Variants in SPAG16 observed in about 807,000 individuals in gnomAD.
SPAG16 encodes the protein sperm-associated antigen 16 protein.
SPAG16 carries 86 observed loss-of-function variants against 80.4 expected under a neutral mutation model. The ratio of observed to expected loss-of-function variants is 1.07; its 90% CI spans 0.90 to 1.28. The LOEUF is 1.28. Ranked by LOEUF, SPAG16 falls within the 50% of genes most tolerant of loss-of-function variation. The pLI, the probability that SPAG16 is intolerant of heterozygous loss-of-function variation, is 0.00. For missense variants in SPAG16, 870 were observed against 765.3 expected, an observed-to-expected ratio of 1.14 and a Z score of -1.61; for synonymous variants, 294 against 265.9, an observed-to-expected ratio of 1.11 and a Z score of -1.03.
chr2:214,311,023 C>T (rs1022147167), intron 15 of SPAG16, among the ~76,000 whole-genome samples: 2 of 152,194 alleles, frequency 1.3e-5, no homozygotes, highest in Non-Finnish European at 2.9e-5. Flanking sequence ...ACGGCAACCT[C>T]CAACAGGAAA....
chr2:213,970,860 A>G (rs905493615), intron 12 of SPAG16, among the ~76,000 whole-genome samples: 1 of 152,242 alleles, frequency 6.6e-6, no homozygotes, highest in Non-Finnish European at 1.5e-5. Context: ...TTACATAATT[A>G]TACCTCTTGC....
chr2:214,315,918 T>C (rs1051708934), intron 15 of SPAG16, among the ~76,000 whole-genome samples: 5 of 152,182 alleles, frequency 3.3e-5, no homozygotes, highest in Non-Finnish European at 7.3e-5. Context: ...GAAATATATG[T>C]TTTAAAGTAG....
chr2:214,255,663 T>C (rs1295739771), intron 15 of SPAG16, among the ~76,000 whole-genome samples: 1 of 151,948 alleles, frequency 6.6e-6, no homozygotes. Context: ...TCACTCAATC[T>C]CCATCTACCT....
rs869276304 is a variant in SPAG16, at chr2:213,869,280, T to TATATATATAC, written c.1214+6652_1214+6653insATATATATAC. Among the ~76,000 whole-genome samples the TATATATATAC allele has an allele frequency of 1.0e-3, 116 of 112,430 alleles. 2 individuals carry two copies. The highest frequency in any genetic ancestry group is 4.7e-3 in the Middle Eastern group (1 of 214). 73.8% of individuals were successfully genotyped at this position (112,430 alleles called of 152,430 possible). ...AAAAAAAAAAATATATATATATATA[T>TATATATATAC]GTATATATATATGTATATATATATA... is the stretch of plus-strand genomic sequence containing the variant. On this transcript the variant is annotated intron_variant, in intron 11 of 15. Transcript: ENST00000331683.
At chr2:213,482,328 T>G (rs1260736860) in intron 9 of SPAG16, among the ~76,000 whole-genome samples, 1 of 152,160 alleles carries the variant, frequency 6.6e-6, no homozygotes, top group Non-Finnish European at 1.5e-5. Context: ...TGGCCACACC[T>G]AGGTACAAGA....
chr2:213,848,604 C>A (rs767514296), intron 10 of SPAG16, among the ~76,000 whole-genome samples: 3 of 152,288 alleles, frequency 2.0e-5, no homozygotes, highest in Admixed American at 1.3e-4. Flanking sequence ...CTGGTTGCCA[C>A]CCCTGAATTC....
chr2:213,397,143 A>G (rs373999747), intron 9 of SPAG16, among the ~76,000 whole-genome samples: 38 of 152,312 alleles, frequency 2.5e-4, no homozygotes, highest in African/African-American at 8.9e-4. Context: ...CTTGATTTGT[A>G]TAGTGTTTTC....
chr2:213,329,305 C>A (rs989516720), intron 5 of SPAG16, among the ~76,000 whole-genome samples: 3 of 152,116 alleles, frequency 2.0e-5, no homozygotes, highest in Non-Finnish European at 4.4e-5. Context: ...GTTTGGACCT[C>A]CCTAGAGACT....
At chr2:214,104,399 G>A (rs1369648068) in intron 13 of SPAG16, among the ~76,000 whole-genome samples, 1 of 152,048 alleles carries the variant, frequency 6.6e-6, no homozygotes, top group Non-Finnish European at 1.5e-5. Flanking sequence ...TCTAGTGGCG[G>A]TGAAGGGGAT....
intron 15 of SPAG16, among the ~76,000 whole-genome samples, chr2:214,310,844 A>G (rs1231955488): frequency 6.6e-6 from 1 of 152,112 alleles, no homozygotes; most frequent in African/African-American, 2.4e-5. Context: ...TCTTCCCCCA[A>G]CACCAAACAG....
At chr2:214,354,264 C>T (rs899173408) in intron 15 of SPAG16, among the ~76,000 whole-genome samples, 1 of 152,000 alleles carries the variant, frequency 6.6e-6, no homozygotes, top group Non-Finnish European at 1.5e-5. Flanking sequence ...GAATCCTTTC[C>T]CCATTGCTTG....
At chr2:214,225,215 T>A (rs1274407396) in intron 15 of SPAG16, among the ~76,000 whole-genome samples, 1 of 152,164 alleles carries the variant, frequency 6.6e-6, no homozygotes, top group Non-Finnish European at 1.5e-5. Context: ...TAGAGATGCG[T>A]GGAGCAAGGG....
intron 10 of SPAG16, among the ~76,000 whole-genome samples, chr2:213,553,210 C>CA (rs1187561391): frequency 2.6e-5 from 4 of 152,106 alleles, no homozygotes; most frequent in Non-Finnish European, 4.4e-5. Context: ...TGTCCATACA[C>CA]AAAAAATATG....
chr2:213,938,489 G>A (rs971192919), intron 12 of SPAG16, among the ~76,000 whole-genome samples: 10 of 151,908 alleles, frequency 6.6e-5, no homozygotes, highest in African/African-American at 2.2e-4. Context: ...GGCAAAAACT[G>A]TAATTATTTG....
At chr2:214,224,988 G>A (rs1251144261) in intron 15 of SPAG16, among the ~76,000 whole-genome samples, 1 of 152,162 alleles carries the variant, frequency 6.6e-6, no homozygotes, top group East Asian at 1.9e-4. Flanking sequence ...AGATTGGATT[G>A]CTAACAGAGG....
At chr2:214,244,236 A>G (rs1031469996) in intron 15 of SPAG16, among the ~76,000 whole-genome samples, 4 of 151,980 alleles carry the variant, frequency 2.6e-5, no homozygotes, top group Non-Finnish European at 5.9e-5. Context: ...ATCCATATGA[A>G]AATTGAAAAC....
chr2:213,906,080 G>A (rs1471929141), intron 11 of SPAG16, among the ~76,000 whole-genome samples: 1 of 152,210 alleles, frequency 6.6e-6, no homozygotes, highest in East Asian at 1.9e-4. Context: ...GGTCTTATGT[G>A]CTTTGGCCTC....
rs1038071150 is a variant in SPAG16, at chr2:214,142,431, T to C, written c.1594-6709T>C. Among the ~76,000 whole-genome samples the C allele has an allele frequency of 2.0e-5, 3 of 152,232 alleles. No homozygotes were observed. The East Asian group carries it at 5.8e-4, about 29-fold the overall frequency. ...TATATTAGCTTTAGATCTCCTTGCA[T>C]GTTATGGAAAATTTTTGGTAGCTTC... On this transcript the variant is annotated intron_variant, in intron 14 of 15. Coordinates refer to ENST00000331683, the MANE Select transcript of SPAG16 (RefSeq NM_024532.5).
At chr2:213,857,364 A>T (rs1290686468) in intron 10 of SPAG16, among the ~76,000 whole-genome samples, 1 of 152,232 alleles carries the variant, frequency 6.6e-6, no homozygotes, top group African/African-American at 2.4e-5. Context: ...TTAGGGGCTA[A>T]TGCAGCTGGT....
Sources: allele counts gnomAD v4.1 joint callset (sites outside exome capture counted in the v4.1 genomes callset), GRCh38; gene constraint gnomAD v4.1.1; transcripts MANE v1.5; gene names NCBI Gene and HGNC (gene_info 2026-07-23, HGNC 2026-07-21).